The following COL19A1 variants were observed in gnomAD, a reference collection of about 807,000 sequenced individuals.
COL19A1 encodes the protein collagen type XIX alpha 1 chain.
COL19A1 carries 159 observed loss-of-function variants against 190.2 expected under a neutral mutation model. The ratio of observed to expected loss-of-function variants is 0.84; its 90% confidence interval spans 0.73 to 0.95. The LOEUF (loss-of-function observed/expected upper bound fraction) is 0.95, where lower values mean the gene tolerates loss of function less well. Ranked by LOEUF, COL19A1 falls within the 40% of genes least tolerant of loss-of-function variation. The pLI, the probability that COL19A1 is intolerant of heterozygous loss-of-function variation, is 0.00. For missense variants in COL19A1, 1,418 were observed against 1,431.9 expected (o/e 0.99, Z 0.16); for synonymous variants, 509 against 458.9 (o/e 1.11, Z -1.39).
intron 14 of COL19A1, among the ~76,000 whole-genome samples, chr6:70,064,016 A>G (rs1433172479): frequency 6.6e-6 from 1 of 152,190 alleles, no homozygotes; most frequent in Non-Finnish European, 1.5e-5. Flanking sequence ...GTCCAGGACC[A>G]GATGGATTCA....
intron 11 of COL19A1, among the ~76,000 whole-genome samples, chr6:70,018,490 G>A (rs1348810352): frequency 3.3e-5 from 5 of 152,112 alleles, no homozygotes; most frequent in Admixed American, 2.6e-4. Flanking sequence ...CAGAAAGCTA[G>A]TAGAGCAAGG....
At chr6:70,016,381 A>C (rs1778093451) in intron 11 of COL19A1, among the ~76,000 whole-genome samples, 1 of 129,448 alleles carries the variant, frequency 7.7e-6, no homozygotes, top group Admixed American at 7.6e-5. Context: ...AAAAAAAAAA[A>C]AAACACATGA....
chr6:69,979,053 A>G (rs1775888302), intron 11 of COL19A1, among the ~76,000 whole-genome samples: 2 of 151,922 alleles, frequency 1.3e-5, no homozygotes, highest in African/African-American at 4.8e-5. Context: ...GACTACACTA[A>G]TTACTGTGGA....
At chr6:70,173,514 G>A (rs568926216) in intron 41 of COL19A1, among the ~76,000 whole-genome samples, 1 of 152,310 alleles carries the variant, frequency 6.6e-6, no homozygotes, top group South Asian at 2.1e-4. Context: ...AGGGAAAGGA[G>A]TGATCTCCTG....
At chr6:70,107,036 A>G (rs3793055) in intron 16 of COL19A1, among the ~76,000 whole-genome samples, 37,015 of 152,082 alleles carry the variant, frequency 0.24, 4,861 homozygotes, top group South Asian at 0.41. Context: ...CCTTACAACT[A>G]TCTTGAAAAG....
chr6:70,064,805 C>T (rs1232944206), intron 14 of COL19A1, among the ~76,000 whole-genome samples: 1 of 152,138 alleles, frequency 6.6e-6, no homozygotes, highest in Non-Finnish European at 1.5e-5. Context: ...CATTCTTATA[C>T]ACCAATAACA....
At chr6:69,931,163 A>T (rs1454372271) in intron 6 of COL19A1, among the ~76,000 whole-genome samples, 1 of 152,192 alleles carries the variant, frequency 6.6e-6, no homozygotes, top group Non-Finnish European at 1.5e-5. Flanking sequence ...TTATTGAAAA[A>T]AATTATCATG....
At chr6:70,049,644 C>A (rs1279303123) in intron 14 of COL19A1, among the ~76,000 whole-genome samples, 1 of 151,950 alleles carries the variant, frequency 6.6e-6, no homozygotes, top group Non-Finnish European at 1.5e-5. Context: ...GCATTTTAAA[C>A]CTCAATCAGT....
Position 70,023,618 on chromosome 6 carries a change from T to C in COL19A1, c.1027-9T>C, listed in dbSNP as rs753397892. On this transcript the variant is annotated splice_polypyrimidine_tract_variant and intron_variant, in intron 11 of 50. Coordinates refer to ENST00000620364, the MANE Select transcript of COL19A1 (RefSeq NM_001858.6). ...AAGATTTTTCATTGTATAAATTGTT[T>C]CTTTTTAGGGTGAACAAGGAGAAAA... 4 of 1,602,664 alleles carry C rather than the reference T, an allele frequency of 2.5e-6. No individual in the cohort carries two copies. Among genetic ancestry groups the C allele is most frequent in the Non-Finnish European group, 3.4e-6 (4 of 1,176,690 alleles).
intron 14 of COL19A1, among the ~76,000 whole-genome samples, chr6:70,063,559 G>T (rs9454956): frequency 2.0e-5 from 3 of 151,712 alleles, no homozygotes; most frequent in Admixed American, 2.0e-4. Flanking sequence ...CCCCAACATC[G>T]CAATTAAAAG....
At chr6:70,019,398 G>A (rs1412629312) in intron 11 of COL19A1, among the ~76,000 whole-genome samples, 1 of 151,966 alleles carries the variant, frequency 6.6e-6, no homozygotes, top group Non-Finnish European at 1.5e-5. Flanking sequence ...ATAACTACCT[G>A]CATTATGGAT....
chr6:70,167,554 A>T (rs747900039), intron 37 of COL19A1, among the ~76,000 whole-genome samples: 1 of 152,086 alleles, frequency 6.6e-6, no homozygotes, highest in Non-Finnish European at 1.5e-5. Flanking sequence ...CATTTACCTT[A>T]ATTTTCTATT....
chr6:69,872,200 A>G (rs896676883), intron 1 of COL19A1, among the ~76,000 whole-genome samples: 1 of 152,054 alleles, frequency 6.6e-6, no homozygotes, highest in African/African-American at 2.4e-5. Context: ...CTCAAAGAAA[A>G]CATGATGTTT....
chr6:69,962,794 A>G, intron 10 of COL19A1, 32 bp from the exon 11 acceptor site: 7 of 1,477,518 alleles, frequency 4.7e-6, no homozygotes, highest in Non-Finnish European at 6.4e-6. Flanking sequence ...TATCATTTTT[A>G]TTACTATACA....
intron 11 of COL19A1, among the ~76,000 whole-genome samples, chr6:70,010,517 C>T (rs1451330253): frequency 1.4e-5 from 2 of 142,056 alleles, no homozygotes; most frequent in Non-Finnish European, 3.0e-5. Context: ...CGTGCGCGAG[C>T]GGAAGCAGGG....
chr6:69,954,121 A>G (rs149013837), intron 9 of COL19A1, among the ~76,000 whole-genome samples: 180 of 152,068 alleles, frequency 1.2e-3, no homozygotes, highest in Non-Finnish European at 2.0e-3. Context: ...TTTCTTTTCT[A>G]TCTCCATCAC....
chr6:70,170,320 A>G (rs1392644376), intron 40 of COL19A1, among the ~76,000 whole-genome samples: 2 of 152,184 alleles, frequency 1.3e-5, no homozygotes, highest in Non-Finnish European at 2.9e-5. Flanking sequence ...CAGGAATGAT[A>G]GAATTGTAGA....
At position 70,156,728 on chromosome 6, in the gene COL19A1, CAG is replaced by C; in HGVS notation, c.2292+7_2292+8del. ...CCTGGGGAGAAAGGCGATGAGGTAA[CAG>C]ATTCTTTTCTGATTATATAGTCCTA... On this transcript the variant is annotated splice_donor_region_variant and intron_variant, in intron 34 of 50. Coordinates refer to ENST00000620364, the MANE Select transcript of COL19A1 (RefSeq NM_001858.6). 6.2e-7 allele frequency: 1 copy of C among 1,606,514 alleles called. No individual in the cohort carries two copies. Among genetic ancestry groups the C allele is most frequent in the Non-Finnish European group, 8.5e-7 (1 of 1,174,830 alleles).
At chr6:70,130,765 A>G (rs1449419555) in intron 18 of COL19A1, among the ~76,000 whole-genome samples, 1 of 152,248 alleles carries the variant, frequency 6.6e-6, no homozygotes, top group Non-Finnish European at 1.5e-5. Flanking sequence ...TATCAAGGGG[A>G]AATTACTGTA....
Sources: allele counts gnomAD v4.1 joint callset (sites outside exome capture counted in the v4.1 genomes callset), GRCh38; gene constraint gnomAD v4.1.1; transcripts MANE v1.5; gene names NCBI Gene and HGNC (gene_info 2026-07-23, HGNC 2026-07-21).